Variants in ZSCAN5A observed in about 807,000 individuals in gnomAD.
ZSCAN5A encodes the protein zinc finger and SCAN domain containing 5A, also known as zinc finger and SCAN domain-containing protein 5A.
In ZSCAN5A, 12 loss-of-function variants were observed where a neutral mutation model predicts 23.7. That is an observed-to-expected ratio of 0.51 (90% CI 0.32 to 0.82). The LOEUF (loss-of-function observed/expected upper bound fraction) is 0.82. Among genes scored for constraint, ZSCAN5A ranks in the 40% least tolerant of loss-of-function variants. ZSCAN5A has a pLI of 0.03. For synonymous variants in ZSCAN5A, 257 were observed against 239.9 expected (o/e 1.07, Z -0.66); for missense variants, 597 against 617.9 (o/e 0.97, Z 0.36).
chr19:56,247,678 G>A (rs1000622237), intron 2 of ZSCAN5A, among the ~76,000 whole-genome samples: 1 of 134,134 alleles, frequency 7.5e-6, no homozygotes, highest in Admixed American at 7.6e-5. Flanking sequence ...ATGTGGGTGT[G>A]TGTTGCTGTT....
intron 2 of ZSCAN5A, among the ~76,000 whole-genome samples, chr19:56,311,428 G>C (rs985390445): frequency 2.0e-5 from 3 of 152,108 alleles, no homozygotes; most frequent in Non-Finnish European, 4.4e-5. Context: ...AGAATGAAAA[G>C]GTTTAGAATA....
At chr19:56,228,714 G>A (rs2034204620) in intron 2 of ZSCAN5A, among the ~76,000 whole-genome samples, 1 of 152,156 alleles carries the variant, frequency 6.6e-6, no homozygotes, top group East Asian at 1.9e-4. Flanking sequence ...GAAAAAAAGA[G>A]ACAGTCTTTG....
At chr19:56,342,346 C>CTTAAATA (rs2041599557) in intron 2 of ZSCAN5A, 1 of 152,144 alleles carries the variant, frequency 6.6e-6, no homozygotes. Flanking sequence ...GGGGGATGCC[C>CTTAAATA]TTAAATAAAT....
chr19:56,247,733 C>A (rs568497928), intron 2 of ZSCAN5A, among the ~76,000 whole-genome samples: 6 of 152,044 alleles, frequency 3.9e-5, no homozygotes, highest in African/African-American at 1.2e-4. Flanking sequence ...GTTCTGTCAC[C>A]CAGGCTGGAG....
At chr19:56,335,839 T>C (rs1240534111) in intron 2 of ZSCAN5A, among the ~76,000 whole-genome samples, 5 of 152,154 alleles carry the variant, frequency 3.3e-5, no homozygotes, top group African/African-American at 1.2e-4. Flanking sequence ...CTCTTTCACT[T>C]ATGAAGCTTA....
At chr19:56,237,042 G>T (rs1458179941) in intron 2 of ZSCAN5A, among the ~76,000 whole-genome samples, 1 of 152,228 alleles carries the variant, frequency 6.6e-6, no homozygotes, top group African/African-American at 2.4e-5. Context: ...CAAAGACACC[G>T]AGGGGTATTG....
Position 56,222,049 on chromosome 19 carries a change from C to T in ZSCAN5A, c.1017G>A (p.Ala339=), listed in dbSNP as rs1388275865. 10 of 1,614,048 alleles carry T rather than the reference C, an allele frequency of 6.2e-6. No individual in the cohort carries two copies. The Admixed American group carries it at 6.7e-5, about 11-fold the overall frequency. The change falls in exon 6 of 6, where the codon GCG becomes GCA. Residue 339 remains alanine (A), a synonymous_variant. Coordinates refer to ENST00000683990, the MANE Select transcript of ZSCAN5A (RefSeq NM_001322064.3). ...GGCCATCCGGGTGACTGACTGGGCT[C>T]GCAGGGCCTGGGGAATGAATTGAAT... ...GMNSIHSPGP[A]SPVSHPDGQE...
intron 2 of ZSCAN5A, among the ~76,000 whole-genome samples, chr19:56,240,867 G>C (rs1027742208): frequency 7.2e-5 from 11 of 151,992 alleles, no homozygotes; most frequent in Admixed American, 4.6e-4. Flanking sequence ...CTGCCAACAG[G>C]CCCGGCTACA....
At chr19:56,302,223 T>C (rs377173243) in intron 2 of ZSCAN5A, 4 of 504,664 alleles carry the variant, frequency 7.9e-6, no homozygotes, top group African/African-American at 7.9e-5. Flanking sequence ...GGAGAGCCCT[T>C]CTGTAAAACA....
chr19:56,278,598 A>T (rs1258162913), intron 2 of ZSCAN5A, among the ~76,000 whole-genome samples: 1 of 152,230 alleles, frequency 6.6e-6, no homozygotes, highest in Non-Finnish European at 1.5e-5. Context: ...ATTGATAGAG[A>T]TATTTGAGAA....
At chr19:56,336,901 A>G (rs2041542992) in intron 2 of ZSCAN5A, among the ~76,000 whole-genome samples, 1 of 152,166 alleles carries the variant, frequency 6.6e-6, no homozygotes, top group Admixed American at 6.5e-5. Context: ...AACAGCGGAT[A>G]TTGGTGAACC....
At chr19:56,255,513 C>T (rs994403082) in intron 2 of ZSCAN5A, among the ~76,000 whole-genome samples, 5 of 152,288 alleles carry the variant, frequency 3.3e-5, no homozygotes, top group South Asian at 2.1e-4. Context: ...TGCAACTCTC[C>T]ACCTGCCATC....
intron 2 of ZSCAN5A, among the ~76,000 whole-genome samples, chr19:56,361,027 C>T (rs1274133389): frequency 1.3e-5 from 2 of 151,802 alleles, no homozygotes; most frequent in Non-Finnish European, 2.9e-5. Flanking sequence ...GGGCAAAGGA[C>T]ATGAACAGAC....
chr19:56,232,534 C>G (rs2034556778), intron 2 of ZSCAN5A, among the ~76,000 whole-genome samples: 1 of 152,060 alleles, frequency 6.6e-6, no homozygotes, highest in Non-Finnish European at 1.5e-5. Flanking sequence ...AACTTGAAAA[C>G]AAGTTCAGAA....
intron 2 of ZSCAN5A, among the ~76,000 whole-genome samples, chr19:56,341,671 C>T (rs1446576296): frequency 6.6e-5 from 2 of 30,228 alleles, no homozygotes; most frequent in East Asian, 2.1e-3. Context: ...AGCAATAAAA[C>T]ATAAAATCTT....
chr19:56,238,808 T>C (rs3972667), intron 2 of ZSCAN5A, among the ~76,000 whole-genome samples: 12,130 of 134,552 alleles, frequency 0.09, 767 homozygotes, highest in Middle Eastern at 0.17. Flanking sequence ...TAGAGATCTA[T>C]AGATCCAACT....
At chr19:56,257,467 CCCA>C in intron 2 of ZSCAN5A, among the ~76,000 whole-genome samples, 1 of 152,286 alleles carries the variant, frequency 6.6e-6, no homozygotes, top group African/African-American at 2.4e-5. Flanking sequence ...GAGCGAGATG[CCCA>C]CCATTGTTAC....
At chr19:56,231,883 A>C (rs1225368476) in intron 2 of ZSCAN5A, among the ~76,000 whole-genome samples, 1 of 152,020 alleles carries the variant, frequency 6.6e-6, no homozygotes, top group African/African-American at 2.4e-5. Flanking sequence ...ACGCTTCCCC[A>C]GGCTCTTCAT....
chr19:56,294,862 CAAAG>C (rs1212057281), intron 2 of ZSCAN5A, among the ~76,000 whole-genome samples: 2 of 152,174 alleles, frequency 1.3e-5, no homozygotes, highest in African/African-American at 4.8e-5. Context: ...AGTGCTCAGT[CAAAG>C]AAGCCAGACA....
Sources: allele counts gnomAD v4.1 joint callset (sites outside exome capture counted in the v4.1 genomes callset), GRCh38; gene constraint gnomAD v4.1.1; transcripts MANE v1.5; gene names NCBI Gene and HGNC (gene_info 2026-07-23, HGNC 2026-07-21).